The following COA1 variants were observed in gnomAD, a reference collection of about 807,000 sequenced individuals.
COA1 encodes cytochrome c oxidase assembly factor 1.
COA1 carries 13 observed loss-of-function variants against 16.0 expected under a neutral mutation model. That is an observed-to-expected ratio of 0.81 (90% CI 0.53 to 1.29). The LOEUF is 1.29. Among genes scored for constraint, COA1 ranks in the 50% most tolerant of loss-of-function variants. The pLI, the probability that COA1 is intolerant of heterozygous loss-of-function variation, is 0.00. For missense variants in COA1, 179 were observed against 177.0 expected (o/e 1.01, Z -0.06); for synonymous variants, 65 against 65.7 (o/e 0.99, Z 0.05).
chr7:43,652,878 G>C (rs1264206588), intron 1 of COA1, among the ~76,000 whole-genome samples: 1 of 148,124 alleles, frequency 6.8e-6, no homozygotes, highest in Non-Finnish European at 1.5e-5. Flanking sequence ...GTCAGGGTGG[G>C]AGGGGGTGGG....
downstream of COA1, among the ~76,000 whole-genome samples, chr7:43,636,119 GTCT>G (rs2085833362): frequency 6.6e-6 from 1 of 152,320 alleles, no homozygotes; most frequent in East Asian, 1.9e-4. Flanking sequence ...CCCAACCCGT[GTCT>G]TAGAGGCATG....
At chr7:43,661,579 G>A (rs1045818785) in intron 1 of COA1, among the ~76,000 whole-genome samples, 1 of 151,740 alleles carries the variant, frequency 6.6e-6, no homozygotes, top group Non-Finnish European at 1.5e-5. Context: ...AGCTTGCAGT[G>A]TGAGCCGAGA....
chr7:43,715,030 A>G (rs1438278022), intron 1 of COA1, among the ~76,000 whole-genome samples: 3 of 135,204 alleles, frequency 2.2e-5, no homozygotes, highest in African/African-American at 2.8e-5. Context: ...AAAAAAAAAA[A>G]AAGGAAACAT....
At chr7:43,703,380 A>G (rs550722850) in intron 1 of COA1, among the ~76,000 whole-genome samples, 1 of 152,238 alleles carries the variant, frequency 6.6e-6, no homozygotes, top group African/African-American at 2.4e-5. Flanking sequence ...TTTGGTCCCA[A>G]ATATCTTTAT....
At chr7:43,660,866 A>G (rs1344814300) in intron 1 of COA1, among the ~76,000 whole-genome samples, 1 of 152,144 alleles carries the variant, frequency 6.6e-6, no homozygotes, top group African/African-American at 2.4e-5. Flanking sequence ...ATTGTATCCC[A>G]TTCTTCAATG....
intron 6 of COA1, chr7:43,622,576 G>A (rs2084017580): frequency 6.6e-6 from 1 of 151,928 alleles, no homozygotes; most frequent in Admixed American, 6.6e-5. Flanking sequence ...TAGTTAAGTG[G>A]ATTGTGAGTA....
intron 1 of COA1, among the ~76,000 whole-genome samples, chr7:43,692,541 CA>C (rs979149327): frequency 2.0e-5 from 3 of 149,168 alleles, no homozygotes; most frequent in Admixed American, 6.7e-5. Flanking sequence ...ACAACAACAA[CA>C]AAAAAAAAAC....
intron 6 of COA1, among the ~76,000 whole-genome samples, chr7:43,629,940 C>CT (rs1327968770): frequency 6.6e-6 from 1 of 152,134 alleles, no homozygotes; most frequent in African/African-American, 2.4e-5. Context: ...TTTTGGGTTT[C>CT]TTTTTTAATA....
At chr7:43,652,101 G>C (rs1227105602) in intron 1 of COA1, among the ~76,000 whole-genome samples, 2 of 152,202 alleles carry the variant, frequency 1.3e-5, no homozygotes, top group Non-Finnish European at 2.9e-5. Context: ...TTCTCAAGTA[G>C]TCGCAATCTG....
At chr7:43,719,943 T>C (rs905507869) in intron 1 of COA1, among the ~76,000 whole-genome samples, 3 of 151,944 alleles carry the variant, frequency 2.0e-5, no homozygotes, top group African/African-American at 2.4e-5. Context: ...GGGAGGAATG[T>C]TGTGGGTCAA....
chr7:43,710,495 TAAG>T (rs530509751), intron 1 of COA1, among the ~76,000 whole-genome samples: 179 of 150,874 alleles, frequency 1.2e-3, no homozygotes, highest in African/African-American at 4.1e-3. Context: ...CTAGAGCTAC[TAAG>T]AAGATGAAAT....
chr7:43,707,532 C>T (rs1340417489), intron 1 of COA1, among the ~76,000 whole-genome samples: 1 of 152,142 alleles, frequency 6.6e-6, no homozygotes, highest in Non-Finnish European at 1.5e-5. Flanking sequence ...TTAACCCCTC[C>T]CTCCTCTCCA....
At chr7:43,666,394 T>A (rs2092892069) in intron 1 of COA1, among the ~76,000 whole-genome samples, 1 of 152,192 alleles carries the variant, frequency 6.6e-6, no homozygotes, top group Non-Finnish European at 1.5e-5. Context: ...CTTGTTTCTC[T>A]AAGGGCTCCA....
chr7:43,674,948 A>C (rs2093443123), intron 1 of COA1, among the ~76,000 whole-genome samples: 1 of 152,226 alleles, frequency 6.6e-6, no homozygotes, highest in South Asian at 2.1e-4. Context: ...TCATCATCCA[A>C]GTTTGTTTTC....
chr7:43,613,796 A>G (rs1441204526), intron 6 of COA1, among the ~76,000 whole-genome samples: 1 of 152,138 alleles, frequency 6.6e-6, no homozygotes, highest in Non-Finnish European at 1.5e-5. Context: ...GTGGGCTATG[A>G]TTGCACCCTG....
intron 6 of COA1, chr7:43,626,872 A>G (rs1305918297): frequency 6.6e-6 from 1 of 152,178 alleles, no homozygotes; most frequent in Non-Finnish European, 1.5e-5. Flanking sequence ...GTGCTTAAAT[A>G]CTGAGTCATA....
intron 1 of COA1, among the ~76,000 whole-genome samples, chr7:43,683,939 T>C (rs2093893093): frequency 6.6e-6 from 1 of 152,134 alleles, no homozygotes; most frequent in Non-Finnish European, 1.5e-5. Context: ...TAAGGAACAA[T>C]GTTTGAGGTC....
chr7:43,640,541 G>A (rs759432938), intron 5 of COA1, 32 bp downstream of exon 5: 13 of 1,504,718 alleles, frequency 8.6e-6, no homozygotes, highest in South Asian at 2.3e-5. Context: ...TCTTCCTCCC[G>A]CTCCCCCACT....
intron 6 of COA1, chr7:43,626,230 A>G (rs894260808): frequency 3.3e-5 from 5 of 152,198 alleles, no homozygotes; most frequent in African/African-American, 1.2e-4. Context: ...TCTCCCTAAC[A>G]TGGTTTCTCA....
Sources: gnomAD v4.1 joint callset for allele counts (sites outside exome capture counted in the v4.1 genomes callset) on GRCh38, gnomAD v4.1.1 for gene constraint, MANE v1.5 for transcripts, NCBI Gene and HGNC (gene_info 2026-07-23, HGNC 2026-07-21) for gene names.